The following MSH4 variants were observed in gnomAD, a reference collection of about 807,000 sequenced individuals.
MSH4 encodes mutS homolog 4, also known as mutS protein homolog 4.
MSH4 carries 106 observed loss-of-function variants against 113.7 expected under a neutral mutation model. The ratio of observed to expected loss-of-function variants is 0.93; its 90% CI spans 0.80 to 1.10. The LOEUF is 1.10. MSH4 is among the 50% of genes least tolerant of loss of function. The pLI is 0.00. For missense variants in MSH4, 1,061 were observed against 1,093.7 expected (o/e 0.97, Z 0.42); for synonymous variants, 368 against 380.2 (o/e 0.97, Z 0.37).
chr1:75,868,019 G>A (rs1557516079), intron 9 of MSH4, among the ~76,000 whole-genome samples: 1 of 151,896 alleles, frequency 6.6e-6, no homozygotes, highest in Non-Finnish European at 1.5e-5. Context: ...TATATTTAAT[G>A]TCATGTTTTT....
intron 16 of MSH4, among the ~76,000 whole-genome samples, chr1:75,890,038 G>A (rs1247102220): frequency 1.3e-5 from 2 of 151,902 alleles, no homozygotes. Context: ...TTTTTAAATG[G>A]TCCTAGCACT....
chr1:75,880,082 A>C lies in MSH4; in HGVS notation c.1710A>C (p.Thr570=). ...ISKVKNSYSF[T]SADLIKMNER... is the part of the protein sequence containing the mutation. ...AAGTGAAAAATTCTTACAGCTTTACATCAGCAGATTTAATTAAAATGAATG... is the reference window on the plus strand; with the variant it reads ...AAGTGAAAAATTCTTACAGCTTTACCTCAGCAGATTTAATTAAAATGAATG... Residue 570 remains threonine (T), a synonymous_variant, in exon 13 of 20, where the codon ACA becomes ACC. Transcript: ENST00000263187. 1 of 1,597,672 alleles carries C rather than the reference A, an allele frequency of 6.3e-7. No individual in the cohort carries two copies. The highest frequency in any genetic ancestry group is 8.5e-7 in the Non-Finnish European group (1 of 1,170,370).
At chr1:75,907,660 ATCTCTC>A (rs138292747) in intron 19 of MSH4, among the ~76,000 whole-genome samples, 14 of 92,808 alleles carry the variant, frequency 1.5e-4, no homozygotes, top group South Asian at 1.0e-3. Flanking sequence ...TCCACGGTGT[ATCTCTC>A]TCTCTCTCTC....
intron 7 of MSH4, among the ~76,000 whole-genome samples, chr1:75,837,036 CA>C (rs1650843423): frequency 6.6e-6 from 1 of 152,270 alleles, no homozygotes; most frequent in South Asian, 2.1e-4. Context: ...CTCCAAAATT[CA>C]TATGTTGAAG....
intron 15 of MSH4, among the ~76,000 whole-genome samples, chr1:75,886,616 A>T (rs1400928146): frequency 1.5e-5 from 1 of 65,864 alleles, no homozygotes; most frequent in African/African-American, 6.8e-5. Context: ...ATAATGTATA[A>T]TATATAAATA....
intron 15 of MSH4, 85 bp downstream of exon 15, chr1:75,883,906 A>G (rs1651990188): frequency 9.1e-7 from 1 of 1,102,246 alleles, no homozygotes; most frequent in Non-Finnish European, 1.3e-6. Flanking sequence ...CCATGTGCCT[A>G]ATTAACCCAA....
intron 7 of MSH4, among the ~76,000 whole-genome samples, chr1:75,838,603 A>G (rs1043953620): frequency 6.6e-6 from 1 of 152,192 alleles, no homozygotes; most frequent in African/African-American, 2.4e-5. Flanking sequence ...ATTAAAATGC[A>G]AACTTTTCTA....
At chr1:75,801,091 A>G (rs910348614) in intron 1 of MSH4, among the ~76,000 whole-genome samples, 1 of 152,240 alleles carries the variant, frequency 6.6e-6, no homozygotes, top group Non-Finnish European at 1.5e-5. Flanking sequence ...TATTAAAATT[A>G]TATGAAATTT....
chr1:75,824,756 A>G (rs1281003110), intron 7 of MSH4, among the ~76,000 whole-genome samples: 1 of 151,826 alleles, frequency 6.6e-6, no homozygotes. Flanking sequence ...TGCTTTTGTT[A>G]GGTTTGTCAA....
Position 75,797,114 on chromosome 1 carries a change from T to G in MSH4, c.129T>G (p.Pro43=). The change falls in exon 1 of 20, where the codon CCT becomes CCG. Residue 43 remains proline, a synonymous_variant. Transcript: ENST00000263187. The part of the protein sequence containing the change: ...FGLQETPQSR[P]SVQVVSASTC... ...TCCAGGAGACTCCACAGAGCCGCCC[T>G]TCGGTCCAGGTGGTCTCTGCATCCA... 1 of 1,613,982 alleles carries G rather than the reference T, an allele frequency of 6.2e-7. No homozygotes were observed.
At chr1:75,853,371 T>G (rs1464902021) in intron 8 of MSH4, among the ~76,000 whole-genome samples, 1 of 152,128 alleles carries the variant, frequency 6.6e-6, no homozygotes, top group East Asian at 1.9e-4. Context: ...GGCCTGATTT[T>G]TTTTATTGTT....
At chr1:75,869,770 A>G (rs1172483723) in intron 9 of MSH4, among the ~76,000 whole-genome samples, 2 of 152,344 alleles carry the variant, frequency 1.3e-5, no homozygotes, top group Admixed American at 1.3e-4. Flanking sequence ...CTGGATGTCC[A>G]GGCAGAAGTC....
chr1:75,888,527 A>C (rs1226334185), intron 15 of MSH4, among the ~76,000 whole-genome samples: 1 of 151,798 alleles, frequency 6.6e-6, no homozygotes, highest in Non-Finnish European at 1.5e-5. Flanking sequence ...CATGTTTGTA[A>C]TCACAGATAT....
chr1:75,843,796 A>G (rs796166656), intron 7 of MSH4, among the ~76,000 whole-genome samples: 22 of 151,540 alleles, frequency 1.5e-4, no homozygotes, highest in African/African-American at 5.1e-4. Context: ...TAAAATAAAC[A>G]TTTTCTTATT....
Position 75,912,721 on chromosome 1 carries a change from T to A in MSH4, c.2645T>A (p.Met882Lys), listed in dbSNP as rs777030754. 58 of 1,549,092 alleles carry A rather than the reference T, an allele frequency of 3.7e-5. 1 individual carries two copies. The African/African-American group carries it at 7.2e-4, about 19-fold the overall frequency. ...ILQNQRSTPE[M>K]ERQRAVYHLA... ...CAAAACCAAAGGAGTACCCCTGAGA[T>A]GGAAAGACAGAGAGCTGTGTACCAT... The change falls in exon 20 of 20, where the codon ATG (methionine) becomes AAG (lysine). Residue 882 changes from methionine (M) to lysine (K), a missense_variant. Physicochemically the swap from Met to Lys is moderately conservative, Grantham distance 95. Transcript: ENST00000263187.
intron 19 of MSH4, among the ~76,000 whole-genome samples, chr1:75,902,981 C>T (rs904624450): frequency 2.0e-5 from 3 of 150,580 alleles, no homozygotes; most frequent in African/African-American, 7.3e-5. Context: ...AATATTTCCT[C>T]CCCTTCTGTA....
At chr1:75,848,310 T>A in intron 8 of MSH4, 34 bp downstream of exon 8, 1 of 1,342,594 alleles carries the variant, frequency 7.4e-7, no homozygotes, top group Non-Finnish European at 1.1e-6. Flanking sequence ...ATTATATTAT[T>A]ATACATTATT....
At chr1:75,907,718 A>ATATATATATATATATATC (rs1652698606) in intron 19 of MSH4, among the ~76,000 whole-genome samples, 1 of 118,128 alleles carries the variant, frequency 8.5e-6, no homozygotes, top group Non-Finnish European at 1.8e-5. Flanking sequence ...ATATATATAT[A>ATATATATATATATATATC]TGTATAAAAT....
chr1:75,885,313 CT>C (rs1652047748), intron 15 of MSH4, among the ~76,000 whole-genome samples: 1 of 40,100 alleles, frequency 2.5e-5, no homozygotes, highest in Non-Finnish European at 4.9e-5. Context: ...TAGACTCACA[CT>C]GGGGGTGTGT....
Sources: allele counts gnomAD v4.1 joint callset (sites outside exome capture counted in the v4.1 genomes callset), GRCh38; gene constraint gnomAD v4.1.1; transcripts MANE v1.5; gene names NCBI Gene and HGNC (gene_info 2026-07-23, HGNC 2026-07-21).